Variants in ACAD9 observed in about 807,000 individuals in gnomAD.
ACAD9 encodes the protein acyl-CoA dehydrogenase family member 9, also known as complex I assembly factor ACAD9, mitochondrial.
A neutral mutation model predicts 70.2 loss-of-function variants in ACAD9; 53 were observed. That is an observed-to-expected ratio of 0.75 (90% confidence interval 0.61 to 0.95). The LOEUF is 0.95. Among genes scored for constraint, ACAD9 ranks in the 40% least tolerant of loss-of-function variants. The probability of loss-of-function intolerance (pLI) is 0.00; values close to 1 mark genes in which losing one functional copy is unlikely to be tolerated. For missense variants in ACAD9, 777 were observed against 802.8 expected, an observed-to-expected ratio of 0.97 and a Z score of 0.39; for synonymous variants, 313 against 312.1, an observed-to-expected ratio of 1.00 and a Z score of -0.03.
intron 2 of ACAD9, among the ~76,000 whole-genome samples, chr3:128,889,147 T>A (rs1268472715): frequency 1.3e-5 from 2 of 150,048 alleles, no homozygotes; most frequent in Admixed American, 1.3e-4. Flanking sequence ...ACAGCTTTTT[T>A]GTTTTGTTTT....
At chr3:128,910,236 G>T (rs571015299) in intron 16 of ACAD9, 87 bp downstream of exon 16, 1 of 1,592,590 alleles carries the variant, frequency 6.3e-7, no homozygotes, top group South Asian at 1.1e-5. Flanking sequence ...AGGAGGGTGT[G>T]GTCGGGTGTG....
At chr3:128,908,290 T>G (rs771592573) in intron 13 of ACAD9, 26 bp downstream of exon 13, 2 of 1,613,564 alleles carry the variant, frequency 1.2e-6, no homozygotes, top group East Asian at 4.5e-5. Flanking sequence ...ACCGTGTGCT[T>G]CTCAGGTCCC....
chr3:128,901,867 C>T lies in ACAD9; in HGVS notation c.882+518C>T, dbSNP rs566453753. 2.0e-5 allele frequency among the ~76,000 whole-genome samples: 3 copies of T among 152,248 alleles called. No individual in the cohort carries two copies. In the East Asian group the frequency reaches 5.8e-4, roughly 29 times the overall value. ...GAAATGTTGTACCATCCAGTATGAC[C>T]CTTACCCCATCCCTTGGCTGCTACT... is the stretch of plus-strand genomic sequence containing the variant. On this transcript the variant is annotated intron_variant, in intron 8 of 17. Coordinates refer to ENST00000308982, the MANE Select transcript of ACAD9 (RefSeq NM_014049.5).
chr3:128,908,431 C>A, intron 13 of ACAD9, 167 bp downstream of exon 13: 1 of 780,872 alleles, frequency 1.3e-6, no homozygotes, highest in Non-Finnish European at 2.2e-6. Context: ...GGCTTGCTGC[C>A]CAGGGAAGCC....
chr3:128,905,217 A>G (rs1185076485), intron 11 of ACAD9, among the ~76,000 whole-genome samples: 1 of 152,216 alleles, frequency 6.6e-6, no homozygotes, highest in East Asian at 1.9e-4. Context: ...CTCTACAAAA[A>G]ATACAAAAAT....
At chr3:128,882,119 A>C (rs1935111955) in intron 1 of ACAD9, among the ~76,000 whole-genome samples, 1 of 151,916 alleles carries the variant, frequency 6.6e-6, no homozygotes, top group African/African-American at 2.4e-5. Flanking sequence ...GGCTCAATAG[A>C]TCCTCCCACT....
chr3:128,880,128 C>T (rs1198827186), intron 1 of ACAD9: 4 of 1,006,672 alleles, frequency 4.0e-6, no homozygotes, highest in Non-Finnish European at 1.4e-6. Flanking sequence ...AACAAAGCAG[C>T]CTTCATCTCA....
chr3:128,889,123 C>T (rs532906391), intron 2 of ACAD9, among the ~76,000 whole-genome samples: 19 of 150,678 alleles, frequency 1.3e-4, no homozygotes, highest in African/African-American at 3.9e-4. Flanking sequence ...GTGTTCAGCA[C>T]AGTAATATGC....
intron 15 of ACAD9, 149 bp downstream of exon 15, chr3:128,909,570 G>A: frequency 1.2e-6 from 1 of 851,160 alleles, no homozygotes; most frequent in South Asian, 1.5e-5. Flanking sequence ...AGGTCAGGCT[G>A]ACTTTGTCAG....
At chr3:128,908,728 A>C (rs554592616) in intron 13 of ACAD9, 3 of 598,474 alleles carry the variant, frequency 5.0e-6, no homozygotes, top group African/African-American at 3.7e-5. Flanking sequence ...CCTTCACAGG[A>C]GACAGCTGCT....
intron 8 of ACAD9, among the ~76,000 whole-genome samples, chr3:128,901,652 A>G (rs1191703030): frequency 1.3e-5 from 2 of 152,222 alleles, no homozygotes; most frequent in Admixed American, 6.5e-5. Context: ...GTGAATCTCA[A>G]GCTCTGTGTA....
rs191910254 is a variant in ACAD9 at position 128,904,873 on chromosome 3, G to A, written c.1149+368G>A. On this transcript the variant is annotated intron_variant, in intron 11 of 17. Coordinates refer to ENST00000308982, the MANE Select transcript of ACAD9 (RefSeq NM_014049.5). ...AAAAACTAAGCATATGGCAGGGCGC[G>A]GTGGCTCACACCTGTAATCCCAGCA... Among the ~76,000 whole-genome samples, 706 of 152,238 alleles carry A rather than the reference G, an allele frequency of 4.6e-3. 2 individuals are homozygous for A. Among genetic ancestry groups the A allele is most frequent in the Non-Finnish European group, 7.1e-3 (480 of 68,014 alleles).
intron 1 of ACAD9, among the ~76,000 whole-genome samples, chr3:128,883,040 T>G (rs1293778041): frequency 6.6e-6 from 1 of 151,660 alleles, no homozygotes; most frequent in Non-Finnish European, 1.5e-5. Flanking sequence ...AGCTTTGATA[T>G]AAAAGGCTGC....
intron 4 of ACAD9, 124 bp from the exon 5 acceptor site, chr3:128,896,312 C>G: frequency 1.8e-6 from 2 of 1,084,706 alleles, no homozygotes; most frequent in Non-Finnish European, 2.8e-6. Context: ...GCCGCTTGCT[C>G]TGAGTTCTTG....
chr3:128,910,409 C>A, intron 16 of ACAD9: 1 of 1,381,604 alleles, frequency 7.2e-7, no homozygotes, highest in Non-Finnish European at 9.6e-7. Context: ...AGACCCTGCA[C>A]ATTGCCCGCT....
At position 128,887,872 on chromosome 3, in the gene ACAD9, C is replaced by T. The variant is rs143476084; in HGVS notation, c.244+3126C>T. Among the ~76,000 whole-genome samples, 8 of 152,222 alleles carry T rather than the reference C, an allele frequency of 5.3e-5. No homozygotes were observed. In the East Asian group the frequency reaches 1.5e-3, roughly 29 times the overall value. On this transcript the variant is annotated intron_variant, in intron 2 of 17. Coordinates refer to ENST00000308982, the MANE Select transcript of ACAD9 (RefSeq NM_014049.5). ...ATGTACATTCAAAGAGGAGGCTAAT[C>T]ACTGTGGACAAAGGGCCCTCTGGAA...
chr3:128,883,106 T>C (rs1935141271), intron 1 of ACAD9, among the ~76,000 whole-genome samples: 1 of 151,494 alleles, frequency 6.6e-6, no homozygotes, highest in African/African-American at 2.4e-5. Flanking sequence ...TTTTTTTCCT[T>C]GAGACAGTGT....
intron 4 of ACAD9, among the ~76,000 whole-genome samples, chr3:128,895,868 A>G (rs112620401): frequency 1.3e-4 from 20 of 152,230 alleles, no homozygotes; most frequent in African/African-American, 7.2e-5. Flanking sequence ...TTTCTGCTTA[A>G]TGTTGACATC....
Position 128,893,860 on chromosome 3 carries a change from G to A in ACAD9, c.346+204G>A, listed in dbSNP as rs367874906. Among the ~76,000 whole-genome samples, 22 of 152,344 alleles carry A rather than the reference G, an allele frequency of 1.4e-4. 1 individual carries two copies. The highest frequency in any genetic ancestry group is 5.9e-4 in the Admixed American group (9 of 15,298). The stretch of plus-strand genomic sequence containing the variant: ...CTAGCACAGAGGAATGAGGCATGTG[G>A]TCTGGCTGGCTGTAGAGTGCAAGGC... On this transcript the variant is annotated intron_variant, in intron 3 of 17. Transcript: ENST00000308982.
Sources: gnomAD v4.1 joint callset for allele counts (sites outside exome capture counted in the v4.1 genomes callset) on GRCh38, gnomAD v4.1.1 for gene constraint, MANE v1.5 for transcripts, NCBI Gene and HGNC (gene_info 2026-07-23, HGNC 2026-07-21) for gene names.